Variants in DLG2 observed in about 807,000 individuals in gnomAD.
The protein encoded by DLG2 is disks large homolog 2.
Under a neutral mutation model 132.5 loss-of-function variants are expected in DLG2, and 45 were observed. The ratio of observed to expected loss-of-function variants is 0.34; its 90% CI spans 0.27 to 0.44. DLG2 has a LOEUF of 0.44. Ranked by LOEUF, DLG2 falls within the 20% of genes least tolerant of loss-of-function variation. DLG2 has a pLI of 1.00. For missense variants in DLG2, 1,045 were observed against 1,196.9 expected, an observed-to-expected ratio of 0.87 and a Z score of 1.87; for synonymous variants, 424 against 419.6, an observed-to-expected ratio of 1.01 and a Z score of -0.13.
intron 3 of DLG2, among the ~76,000 whole-genome samples, chr11:85,471,545 C>T (rs148707581): frequency 2.5e-4 from 38 of 152,212 alleles, no homozygotes; most frequent in African/African-American, 8.4e-4. Context: ...GAGAATCAAA[C>T]ATAAATTCTT....
intron 20 of DLG2, among the ~76,000 whole-genome samples, chr11:83,534,220 A>G (rs899077874): frequency 6.6e-6 from 1 of 152,194 alleles, no homozygotes; most frequent in Non-Finnish European, 1.5e-5. Context: ...TTTGCACTGC[A>G]TATACAGGGT....
At chr11:84,261,940 T>A (rs1450565950) in intron 7 of DLG2, among the ~76,000 whole-genome samples, 1 of 152,156 alleles carries the variant, frequency 6.6e-6, no homozygotes, top group Non-Finnish European at 1.5e-5. Flanking sequence ...GGTGTCCATG[T>A]GTGAGCATCT....
intron 10 of DLG2, among the ~76,000 whole-genome samples, chr11:84,067,282 C>G (rs1035595465): frequency 6.6e-6 from 1 of 152,008 alleles, no homozygotes; most frequent in African/African-American, 2.4e-5. Context: ...TGCTGTGAGC[C>G]AAGACCGCGC....
chr11:85,248,096 T>C (rs890583794), intron 4 of DLG2, among the ~76,000 whole-genome samples: 1 of 152,096 alleles, frequency 6.6e-6, no homozygotes, highest in African/African-American at 2.4e-5. Flanking sequence ...ATCTATTATA[T>C]CTGTGTAGCA....
chr11:84,801,688 T>C (rs1008120382), intron 6 of DLG2, among the ~76,000 whole-genome samples: 3 of 152,216 alleles, frequency 2.0e-5, no homozygotes, highest in African/African-American at 7.2e-5. Flanking sequence ...ATCATATTAA[T>C]GTCTGCAGTG....
chr11:85,176,883 A>C (rs1185805123), intron 4 of DLG2, among the ~76,000 whole-genome samples: 1 of 152,210 alleles, frequency 6.6e-6, no homozygotes, highest in East Asian at 1.9e-4. Context: ...ATCATTAAAG[A>C]AATGAGAATC....
chr11:84,175,461 C>A (rs1442840485), intron 8 of DLG2, among the ~76,000 whole-genome samples: 1 of 151,988 alleles, frequency 6.6e-6, no homozygotes, highest in Non-Finnish European at 1.5e-5. Context: ...CCCTTTTATT[C>A]AAAAATCTTA....
intron 8 of DLG2, among the ~76,000 whole-genome samples, chr11:84,212,456 G>A (rs1180734644): frequency 6.6e-6 from 1 of 152,162 alleles, no homozygotes; most frequent in Non-Finnish European, 1.5e-5. Context: ...GCAAATGAAT[G>A]GCCTCTAAGT....
At chr11:84,825,886 C>G (rs2078270041) in intron 6 of DLG2, among the ~76,000 whole-genome samples, 1 of 151,860 alleles carries the variant, frequency 6.6e-6, no homozygotes, top group Non-Finnish European at 1.5e-5. Context: ...GTTACCCTTT[C>G]TCATACAGGA....
intron 4 of DLG2, among the ~76,000 whole-genome samples, chr11:85,179,714 G>T (rs533525024): frequency 2.6e-5 from 4 of 151,680 alleles, no homozygotes; most frequent in African/African-American, 9.7e-5. Flanking sequence ...CTTAAATGGC[G>T]GAATAAGTCT....
intron 7 of DLG2, among the ~76,000 whole-genome samples, chr11:84,330,107 A>G (rs2098451971): frequency 6.6e-6 from 1 of 152,150 alleles, no homozygotes; most frequent in African/African-American, 2.4e-5. Flanking sequence ...AACAATGTCT[A>G]TTTATGCATT....
At chr11:85,241,807 T>C (rs946531292) in intron 4 of DLG2, among the ~76,000 whole-genome samples, 3 of 151,966 alleles carry the variant, frequency 2.0e-5, no homozygotes, top group African/African-American at 7.2e-5. Flanking sequence ...GCCAGATTAA[T>C]AGAAGTCTGT....
chr11:84,087,181 A>ATGAC (rs1268533378), intron 10 of DLG2, among the ~76,000 whole-genome samples: 1 of 152,168 alleles, frequency 6.6e-6, no homozygotes, highest in Non-Finnish European at 1.5e-5. Context: ...TAGGAGTAGA[A>ATGAC]TGACTGGTCG....
intron 6 of DLG2, among the ~76,000 whole-genome samples, chr11:84,651,872 C>T (rs1352754349): frequency 6.6e-6 from 1 of 152,078 alleles, no homozygotes; most frequent in Non-Finnish European, 1.5e-5. Flanking sequence ...TATTCTAAGA[C>T]CCCAAAGAGT....
chr11:85,550,856 T>C (rs993478126), intron 3 of DLG2, among the ~76,000 whole-genome samples: 2 of 152,226 alleles, frequency 1.3e-5, no homozygotes, highest in Non-Finnish European at 2.9e-5. Flanking sequence ...GGCCATGGCC[T>C]CTGGCATGAT....
At chr11:83,519,512 TG>T (rs964358775) in intron 21 of DLG2, among the ~76,000 whole-genome samples, 2 of 152,172 alleles carry the variant, frequency 1.3e-5, no homozygotes, top group Non-Finnish European at 2.9e-5. Context: ...AGTCAACACT[TG>T]GGGGCATGGG....
At chr11:85,430,117 C>G (rs911648193) in intron 3 of DLG2, among the ~76,000 whole-genome samples, 1 of 150,422 alleles carries the variant, frequency 6.6e-6, no homozygotes, top group African/African-American at 2.4e-5. Context: ...GACAAAAAAA[C>G]CAAACACCAC....
At chr11:84,885,170 A>G (rs961349874) in intron 6 of DLG2, among the ~76,000 whole-genome samples, 2 of 152,132 alleles carry the variant, frequency 1.3e-5, no homozygotes, top group African/African-American at 4.8e-5. Context: ...CACAGAGATC[A>G]GTACCCTGGC....
chr11:83,715,825 C>G (rs2153671828), intron 18 of DLG2, among the ~76,000 whole-genome samples: 1 of 152,298 alleles, frequency 6.6e-6, no homozygotes, highest in East Asian at 1.9e-4. Context: ...TACTTTTCTA[C>G]TTACTGTTCC....
Sources: gnomAD v4.1 joint callset for allele counts (sites outside exome capture counted in the v4.1 genomes callset) on GRCh38, gnomAD v4.1.1 for gene constraint, MANE v1.5 for transcripts, NCBI Gene and HGNC (gene_info 2026-07-23, HGNC 2026-07-21) for gene names.